Variants in XKR6 observed in about 807,000 individuals in gnomAD.
XKR6 encodes the protein XK-related protein 6.
In XKR6, 22 loss-of-function variants were observed where a neutral mutation model predicts 56.7. The ratio of observed to expected loss-of-function variants is 0.39; its 90% CI spans 0.28 to 0.55. XKR6 has a LOEUF of 0.55. XKR6 is among the 20% of genes least tolerant of loss of function. The pLI is 0.66. For synonymous variants in XKR6, 524 were observed against 387.8 expected (o/e 1.35, Z -4.13); for missense variants, 852 against 889.0 (o/e 0.96, Z 0.53).
intron 1 of XKR6, among the ~76,000 whole-genome samples, chr8:11,158,198 A>T (rs1335483643): frequency 6.6e-6 from 1 of 152,200 alleles, no homozygotes; most frequent in Non-Finnish European, 1.5e-5. Flanking sequence ...TGACAGGGGA[A>T]ATACAGTGTG....
intron 1 of XKR6, among the ~76,000 whole-genome samples, chr8:11,076,043 A>G (rs1451442637): frequency 6.6e-6 from 1 of 152,210 alleles, no homozygotes; most frequent in Non-Finnish European, 1.5e-5. Flanking sequence ...TCAGCCATAA[A>G]AAGGAAGGAA....
intron 1 of XKR6, among the ~76,000 whole-genome samples, chr8:11,079,921 T>C (rs899353391): frequency 1.3e-5 from 2 of 152,238 alleles, no homozygotes; most frequent in East Asian, 1.9e-4. Context: ...TAAGCCATGA[T>C]TGTACCACTG....
chr8:11,097,471 TC>T (rs1365631718), intron 1 of XKR6, among the ~76,000 whole-genome samples: 90 of 123,272 alleles, frequency 7.3e-4, no homozygotes, highest in South Asian at 1.2e-3. Flanking sequence ...GGCAATATTT[TC>T]TTTTTTTTTT....
At chr8:11,011,888 G>A (rs1013146486) in intron 1 of XKR6, among the ~76,000 whole-genome samples, 1 of 152,124 alleles carries the variant, frequency 6.6e-6, no homozygotes, top group South Asian at 2.1e-4. Flanking sequence ...GAGGGAGGGA[G>A]GCCAGTGCAG....
At chr8:11,074,021 CAG>C (rs750296905) in intron 1 of XKR6, among the ~76,000 whole-genome samples, 1 of 152,114 alleles carries the variant, frequency 6.6e-6, no homozygotes, top group African/African-American at 2.4e-5. Flanking sequence ...GAAAAAAAAG[CAG>C]AGAGAGAGAT....
intron 2 of XKR6, 30 bp downstream of exon 2, chr8:10,924,604 G>C (rs552004155): frequency 1.3e-6 from 2 of 1,585,050 alleles, no homozygotes; most frequent in Non-Finnish European, 1.7e-6. Flanking sequence ...GGCAGGCCGG[G>C]GTGGCGGGGC....
chr8:11,123,980 C>T (rs1343120976), intron 1 of XKR6: 2 of 456,046 alleles, frequency 4.4e-6, no homozygotes, highest in Non-Finnish European at 8.8e-6. Flanking sequence ...AGAGGCACTG[C>T]CGTGAGCAGC....
At chr8:11,186,078 T>G (rs988591686) in intron 1 of XKR6, among the ~76,000 whole-genome samples, 1 of 152,178 alleles carries the variant, frequency 6.6e-6, no homozygotes, top group South Asian at 2.1e-4. Context: ...GCTTGCCAAG[T>G]CCCGAATCAA....
chr8:10,990,390 G>A (rs1045912638), intron 1 of XKR6, among the ~76,000 whole-genome samples: 4 of 152,212 alleles, frequency 2.6e-5, no homozygotes, highest in East Asian at 3.9e-4. Context: ...ACAACCCATC[G>A]TGGCTGGGAG....
chr8:10,954,730 C>T (rs545617025), intron 1 of XKR6, among the ~76,000 whole-genome samples: 9 of 152,136 alleles, frequency 5.9e-5, no homozygotes, highest in Admixed American at 1.3e-4. Context: ...AAGGCTTTGC[C>T]TAATCCAAAG....
chr8:10,916,804 T>A (rs1051423526), intron 2 of XKR6, among the ~76,000 whole-genome samples: 3 of 152,204 alleles, frequency 2.0e-5, no homozygotes, highest in African/African-American at 7.2e-5. Flanking sequence ...CGAATTGTCC[T>A]TCTGAGTTGT....
At chr8:10,918,286 G>A (rs1290912191) in intron 2 of XKR6, among the ~76,000 whole-genome samples, 1 of 152,234 alleles carries the variant, frequency 6.6e-6, no homozygotes, top group Non-Finnish European at 1.5e-5. Context: ...TTCCCCCTGA[G>A]TGCTTGGAAG....
chr8:11,104,308 G>T (rs752867972), intron 1 of XKR6, among the ~76,000 whole-genome samples: 1 of 152,236 alleles, frequency 6.6e-6, no homozygotes, highest in Non-Finnish European at 1.5e-5. Flanking sequence ...CATCCATTGA[G>T]GAAGAGTATC....
intron 1 of XKR6, among the ~76,000 whole-genome samples, chr8:11,029,114 C>G (rs1394819819): frequency 1.3e-5 from 2 of 152,170 alleles, no homozygotes; most frequent in African/African-American, 4.8e-5. Context: ...GTCGTAGGCT[C>G]TGCTCTTTCA....
chr8:10,969,114 C>T (rs150146172), intron 1 of XKR6, among the ~76,000 whole-genome samples: 135 of 152,290 alleles, frequency 8.9e-4, no homozygotes, highest in African/African-American at 2.8e-3. Flanking sequence ...TGTCAAAAAC[C>T]GCCCCTAGAA....
chr8:11,161,721 C>G (rs149524996), intron 1 of XKR6, among the ~76,000 whole-genome samples: 97 of 152,268 alleles, frequency 6.4e-4, no homozygotes, highest in African/African-American at 2.3e-3. Flanking sequence ...GTCAGTCAAT[C>G]ACTTTGGAAG....
chr8:10,922,804 G>A (rs553877032), intron 2 of XKR6, among the ~76,000 whole-genome samples: 1 of 152,192 alleles, frequency 6.6e-6, no homozygotes, highest in South Asian at 2.1e-4. Flanking sequence ...ATGTGTGCAT[G>A]TGGGTGTGTC....
chr8:11,180,374 T>C (rs539960036), intron 1 of XKR6, among the ~76,000 whole-genome samples: 1 of 152,262 alleles, frequency 6.6e-6, no homozygotes, highest in African/African-American at 2.4e-5. Flanking sequence ...AAAAAATTCT[T>C]TGTGGTGAGA....
chr8:10,973,132 G>C (rs1022092264), intron 1 of XKR6, among the ~76,000 whole-genome samples: 6 of 152,192 alleles, frequency 3.9e-5, no homozygotes, highest in Admixed American at 3.9e-4. Flanking sequence ...ACGCATTATA[G>C]GACTAGAGTT....
Sources: allele counts gnomAD v4.1 joint callset (sites outside exome capture counted in the v4.1 genomes callset), GRCh38; gene constraint gnomAD v4.1.1; transcripts MANE v1.5; gene names NCBI Gene and HGNC (gene_info 2026-07-23, HGNC 2026-07-21).